UTRN: variants seen among roughly 807,000 people sequenced by gnomAD.
UTRN encodes utrophin, also known as dystrophin-related protein 1.
A neutral mutation model predicts 463.9 loss-of-function variants in UTRN; 283 were observed. That is an observed-to-expected ratio of 0.61 (90% CI 0.55 to 0.67). The LOEUF (loss-of-function observed/expected upper bound fraction) is 0.67, where lower values mean the gene tolerates loss of function less well. UTRN is among the 30% of genes least tolerant of loss of function. The pLI is 0.00. For missense variants in UTRN, 3,922 were observed against 4,084.3 expected (o/e 0.96, Z 1.08); for synonymous variants, 1,442 against 1,431.5 (o/e 1.01, Z -0.17).
At chr6:144,398,186 A>C in intron 2 of UTRN, 1 of 243,722 alleles carries the variant, frequency 4.1e-6, no homozygotes, top group Non-Finnish European at 8.5e-6. Flanking sequence ...AATATTCTCT[A>C]ATTTCTGGAT....
At chr6:144,496,768 G>C (rs1793686716) in intron 33 of UTRN, among the ~76,000 whole-genome samples, 3 of 152,236 alleles carry the variant, frequency 2.0e-5, no homozygotes, top group Admixed American at 2.0e-4. Context: ...TTCTTTAAGA[G>C]TATAGGTAAA....
intron 41 of UTRN, among the ~76,000 whole-genome samples, chr6:144,527,008 C>T (rs1796628214): frequency 6.6e-6 from 1 of 152,002 alleles, no homozygotes; most frequent in Non-Finnish European, 1.5e-5. Flanking sequence ...CTGTGTTAGC[C>T]AGGCTGACCT....
intron 58 of UTRN, among the ~76,000 whole-genome samples, chr6:144,761,326 G>A (rs1586433363): frequency 6.6e-6 from 1 of 152,094 alleles, no homozygotes; most frequent in South Asian, 2.1e-4. Flanking sequence ...TCCTAGTATA[G>A]TGCAATGAGA....
At chr6:144,593,912 A>G (rs1803374691) in intron 51 of UTRN, among the ~76,000 whole-genome samples, 1 of 152,214 alleles carries the variant, frequency 6.6e-6, no homozygotes, top group East Asian at 1.9e-4. Flanking sequence ...ATTTCCAAAA[A>G]GGAATTCTAA....
At chr6:144,573,564 C>A (rs929050240) in intron 50 of UTRN, among the ~76,000 whole-genome samples, 8 of 151,724 alleles carry the variant, frequency 5.3e-5, no homozygotes, top group Non-Finnish European at 8.8e-5. Flanking sequence ...GGTGTAGTGG[C>A]AGGCGCCAAT....
At chr6:144,449,258 A>C (rs1266682139) in intron 17 of UTRN, among the ~76,000 whole-genome samples, 3 of 152,176 alleles carry the variant, frequency 2.0e-5, no homozygotes, top group Non-Finnish European at 4.4e-5. Flanking sequence ...GGTTTGCCTT[A>C]AAATGGACTA....
chr6:144,414,129 TA>T (rs568501267), intron 3 of UTRN, among the ~76,000 whole-genome samples: 2,732 of 143,690 alleles, frequency 0.019, 80 homozygotes, highest in African/African-American at 0.062. Context: ...TCCTACTCAT[TA>T]AAAAAAAAAA....
At chr6:144,371,884 A>G (rs1780018783) in intron 2 of UTRN, among the ~76,000 whole-genome samples, 1 of 152,222 alleles carries the variant, frequency 6.6e-6, no homozygotes, top group Non-Finnish European at 1.5e-5. Context: ...TGACTAAGAA[A>G]TAGGCCTCCA....
chr6:144,510,916 A>G (rs1202771844), intron 34 of UTRN, 28 bp from the exon 35 acceptor site: 6 of 1,503,380 alleles, frequency 4.0e-6, no homozygotes, highest in Non-Finnish European at 5.4e-6. Flanking sequence ...TGAAGCATCA[A>G]GTAGGTCTTG....
intron 51 of UTRN, among the ~76,000 whole-genome samples, chr6:144,648,951 G>A (rs768558085): frequency 2.0e-5 from 3 of 152,080 alleles, no homozygotes; most frequent in Non-Finnish European, 2.9e-5. Flanking sequence ...ATTATTTAAA[G>A]AGCTTAACTC....
At position 144,839,186 on chromosome 6, in the gene UTRN, C is replaced by T. The variant is rs1413718619; in HGVS notation, c.10079C>T (p.Ser3360Phe). ...RQLLEQPESD[S>F]RINGVSPWAS... The stretch of plus-strand genomic sequence containing the variant: ...ATGTGGTTCCAGCCTGAATCTGATT[C>T]CCGAATCAATGGTGTTTCCCCATGG... Residue 3360 changes from serine to phenylalanine, a missense_variant, in exon 72 of 75, where the codon TCC becomes TTC. Around this residue, in one of 3 missense-constraint regions of UTRN, gnomAD observed 1,309 missense variants for 1,452.6 expected, o/e 0.90. Transcript: ENST00000367545. 6.2e-7 allele frequency: 1 copy of T among 1,613,854 alleles called. No individual in the cohort carries two copies. Among genetic ancestry groups the T allele is most frequent in the South Asian group, 1.1e-5 (1 of 91,078 alleles).
At chr6:144,762,029 T>TCA (rs1198710133) in intron 58 of UTRN, among the ~76,000 whole-genome samples, 1 of 152,166 alleles carries the variant, frequency 6.6e-6, no homozygotes, top group East Asian at 1.9e-4. Context: ...ATTTGCCAGG[T>TCA]GTTGTGCTGA....
intron 2 of UTRN, among the ~76,000 whole-genome samples, chr6:144,372,746 G>T (rs754789775): frequency 2.6e-4 from 39 of 152,050 alleles, no homozygotes; most frequent in Non-Finnish European, 4.1e-4. Context: ...CAGGTGATAT[G>T]CTCACCTTAG....
At chr6:144,532,985 C>T in intron 42 of UTRN, 100 bp from the exon 43 acceptor site, 3 of 567,406 alleles carry the variant, frequency 5.3e-6, no homozygotes, top group South Asian at 3.8e-5. Context: ...GAGTTTGTTT[C>T]TTTCACACTT....
Position 144,426,404 on chromosome 6 carries a change from T to G in UTRN, c.523T>G (p.Phe175Val). Residue 175 changes from phenylalanine to valine, a missense_variant, in exon 7 of 75, where the codon TTC becomes GTC. By Grantham distance (50) the Phe-to-Val change is conservative. Transcript: ENST00000367545. ...RPYSQVNVLN[F>V]TTSWTDGLAF... is the part of the protein sequence containing the mutation. ...CTACAGCCAAGTCAACGTCCTCAACTTCACCACCAGCTGGACAGATGGACT... is the reference window on the plus strand; with the variant it reads ...CTACAGCCAAGTCAACGTCCTCAACGTCACCACCAGCTGGACAGATGGACT... 6.2e-7 allele frequency: 1 copy of G among 1,614,126 alleles called. No homozygotes were observed. The highest frequency in any genetic ancestry group is 8.5e-7 in the Non-Finnish European group (1 of 1,180,010).
In UTRN at chr6:144,828,807, G is replaced by T. The variant is rs1780414313; in HGVS notation, c.9617G>T (p.Arg3206Met). 3.1e-6 allele frequency: 5 copies of T among 1,613,450 alleles called. No homozygotes were observed. The highest frequency in any genetic ancestry group is 4.2e-6 in the Non-Finnish European group (5 of 1,179,580). Residue 3206 changes from arginine to methionine, a missense_variant, in exon 69 of 75, where the codon AGG becomes ATG. By Grantham distance (91) the Arg-to-Met change is moderately conservative (BLOSUM62 -1). This residue lies in a region of UTRN where 1,309 missense variants were observed against 1,452.6 expected (regional missense o/e 0.90). Coordinates refer to ENST00000367545, the MANE Select transcript of UTRN (RefSeq NM_007124.3). ...QYATRLAQME[R>M]TNGSFLTDSS... ...TTTTGCAGACTGGCCCAGATGGAAA[G>T]GACTAATGGGTCTTTTCTCACTGAT...
intron 23 of UTRN, among the ~76,000 whole-genome samples, chr6:144,467,084 A>G (rs1248795332): frequency 6.6e-6 from 1 of 152,236 alleles, no homozygotes; most frequent in Non-Finnish European, 1.5e-5. Flanking sequence ...ATTAATACAA[A>G]ATGTCCCTTT....
Position 144,539,331 on chromosome 6 carries a change from T to G in UTRN, c.6407T>G (p.Leu2136Arg). ...GAAATGGAAGTACATGCTGAAAAAC[T>G]CAAATGGCTGAATAGAACTGAATTG... ...TQEMEVHAEKLKWLNRTELEM... is the reference protein window; with the variant it reads ...TQEMEVHAEKRKWLNRTELEM... The change falls in exon 45 of 75, where the codon CTC becomes CGC. Residue 2136 changes from leucine (L) to arginine (R), a missense_variant. Leu to Arg is a moderately radical substitution (Grantham distance 102, BLOSUM62 -2). Around this residue, in one of 3 missense-constraint regions of UTRN, gnomAD observed 2,349 missense variants for 2,303.8 expected, o/e 1.02. Coordinates refer to ENST00000367545, the MANE Select transcript of UTRN (RefSeq NM_007124.3). 6.2e-7 allele frequency: 1 copy of G among 1,612,934 alleles called. No homozygotes were observed. The highest frequency in any genetic ancestry group is 1.7e-4 in the Middle Eastern group (1 of 6,054).
At chr6:144,710,571 A>G (rs1023153409) in intron 53 of UTRN, among the ~76,000 whole-genome samples, 3 of 152,208 alleles carry the variant, frequency 2.0e-5, no homozygotes, top group African/African-American at 7.2e-5. Context: ...AGTGTCTCAG[A>G]ACATTGATAT....
Sources: gnomAD v4.1 joint callset for allele counts (sites outside exome capture counted in the v4.1 genomes callset) on GRCh38, gnomAD v4.1.1 for gene constraint, gnomAD v4.1.1 regional missense constraint, MANE v1.5 for transcripts, NCBI Gene and HGNC (gene_info 2026-07-23, HGNC 2026-07-21) for gene names.